NAA16: variants seen among roughly 807,000 people sequenced by gnomAD.
The protein encoded by NAA16 is N-alpha-acetyltransferase 16, NatA auxiliary subunit, also known as NARG1-like protein.
Under a neutral mutation model 110.3 loss-of-function variants are expected in NAA16, and 97 were observed. The ratio of observed to expected loss-of-function variants is 0.88; its 90% confidence interval spans 0.75 to 1.04. The LOEUF (loss-of-function observed/expected upper bound fraction) is 1.04. NAA16 is among the 50% of genes least tolerant of loss of function. NAA16 has a pLI of 0.00. For missense variants in NAA16, 1,017 were observed against 1,005.1 expected (o/e 1.01, Z -0.16); for synonymous variants, 372 against 330.6 (o/e 1.13, Z -1.36).
Position 41,370,554 on chromosome 13 carries a change from C to T in NAA16, c.1947+1271C>T, listed in dbSNP as rs781144111. ...GAAAAAATAACAGCTGCCAGTCTTT[C>T]GGTTTTACAACAAGAAGGCTTGGAC... On this transcript the variant is annotated intron_variant, in intron 15 of 19. Transcript: ENST00000379406. 3.9e-5 allele frequency among the ~76,000 whole-genome samples: 6 copies of T among 152,138 alleles called. No individual in the cohort carries two copies. In the South Asian group the frequency reaches 8.3e-4, roughly 21 times the overall value.
At chr13:41,323,494 G>A (rs1182836437) in intron 5 of NAA16, among the ~76,000 whole-genome samples, 1 of 151,672 alleles carries the variant, frequency 6.6e-6, no homozygotes, top group Non-Finnish European at 1.5e-5. Context: ...GGGACTACAG[G>A]CACTCGCCAC....
chr13:41,365,473 TTTAG>T (rs1006410560), intron 13 of NAA16, among the ~76,000 whole-genome samples: 5 of 152,190 alleles, frequency 3.3e-5, no homozygotes, highest in African/African-American at 1.2e-4. Flanking sequence ...CCCGAGATTA[TTTAG>T]TTGTTTCTAT....
chr13:41,314,445 A>G (rs1395400132), intron 1 of NAA16, among the ~76,000 whole-genome samples: 2 of 149,760 alleles, frequency 1.3e-5, no homozygotes, highest in East Asian at 3.9e-4. Flanking sequence ...GTATATTCAC[A>G]TGGTTCAAAA....
At chr13:41,354,743 G>C (rs183661998) in intron 9 of NAA16, 1 of 155,680 alleles carries the variant, frequency 6.4e-6, no homozygotes, top group African/African-American at 2.4e-5. Flanking sequence ...TTATTATATT[G>C]TAGGATTGCT....
intron 9 of NAA16, among the ~76,000 whole-genome samples, chr13:41,350,111 A>G (rs1429693008): frequency 6.6e-6 from 1 of 151,630 alleles, no homozygotes; most frequent in Admixed American, 6.6e-5. Context: ...CTCTACAAAA[A>G]AATACAAAAA....
At chr13:41,319,886 T>G (rs2041905158) in intron 3 of NAA16, among the ~76,000 whole-genome samples, 1 of 151,958 alleles carries the variant, frequency 6.6e-6, no homozygotes, top group Admixed American at 6.6e-5. Context: ...TGCTTATCTG[T>G]ATGTTTATCT....
intron 7 of NAA16, among the ~76,000 whole-genome samples, chr13:41,330,522 A>G (rs2042210540): frequency 6.6e-6 from 1 of 152,068 alleles, no homozygotes; most frequent in African/African-American, 2.4e-5. Flanking sequence ...TTAAAATTCC[A>G]CTATAAATTA....
intron 1 of NAA16, among the ~76,000 whole-genome samples, chr13:41,316,338 GCT>G (rs1168891746): frequency 2.8e-5 from 4 of 140,618 alleles, no homozygotes; most frequent in African/African-American, 1.1e-4. Flanking sequence ...ACAGAGTCTC[GCT>G]CTGTTTCCCA....
At chr13:41,358,003 C>T (rs1408017924) in intron 10 of NAA16, among the ~76,000 whole-genome samples, 2 of 152,088 alleles carry the variant, frequency 1.3e-5, no homozygotes, top group Admixed American at 1.3e-4. Context: ...TCTTGCTGCC[C>T]TTTTGCTTTC....
At position 41,372,322 on chromosome 13, in the gene NAA16, G is replaced by GT. The variant is rs746534549; in HGVS notation, c.2056+14dup. On this transcript the variant is annotated intron_variant, in intron 16 of 19. Transcript: ENST00000379406. The stretch of plus-strand genomic sequence containing the variant: ...TATATTTTAGAAAAGGTAATAAATA[G>GT]TTTGAGTTCAGTTTTTAATCTTTAA... 1.7e-5 allele frequency: 26 copies of GT among 1,559,876 alleles called. No individual in the cohort carries two copies. The African/African-American group carries it at 3.6e-4, about 22-fold the overall frequency.
At chr13:41,316,658 T>C (rs983778075) in intron 1 of NAA16, among the ~76,000 whole-genome samples, 188 bp from the exon 2 acceptor site, 4 of 152,130 alleles carry the variant, frequency 2.6e-5, no homozygotes, top group Non-Finnish European at 5.9e-5. Context: ...AAAATGAAAA[T>C]ATGTAGATTT....
chr13:41,312,673 A>T (rs1392316306), intron 1 of NAA16, among the ~76,000 whole-genome samples: 1 of 152,192 alleles, frequency 6.6e-6, no homozygotes, highest in African/African-American at 2.4e-5. Flanking sequence ...TAAAATACTA[A>T]TTTTAGAGTA....
At chr13:41,368,443 G>C (rs61963968) in intron 14 of NAA16, among the ~76,000 whole-genome samples, 14,345 of 152,136 alleles carry the variant, frequency 0.094, 967 homozygotes, top group Admixed American at 0.17. Context: ...TGTGTAGGAG[G>C]CAGAACTGGG....
chr13:41,340,262 A>C (rs565630735), intron 9 of NAA16, among the ~76,000 whole-genome samples: 87 of 152,146 alleles, frequency 5.7e-4, no homozygotes, highest in Non-Finnish European at 1.2e-3. Context: ...CATTTTGTTG[A>C]TCTTTTCAAA....
At chr13:41,353,481 C>T (rs1348864000) in intron 9 of NAA16, among the ~76,000 whole-genome samples, 1 of 151,262 alleles carries the variant, frequency 6.6e-6, no homozygotes, top group African/African-American at 2.4e-5. Flanking sequence ...ACAGACTGTA[C>T]AGGCCAGGCA....
intron 2 of NAA16, 44 bp downstream of exon 2, chr13:41,316,974 A>G (rs751166533): frequency 1.5e-6 from 2 of 1,310,850 alleles, no homozygotes; most frequent in Non-Finnish European, 2.2e-6. Flanking sequence ...ATCAAATTCT[A>G]AAACCAGGCA....
chr13:41,375,315 A>G (rs537557881), intron 19 of NAA16, 90 bp from the exon 20 acceptor site: 4 of 892,782 alleles, frequency 4.5e-6, no homozygotes, highest in East Asian at 2.6e-5. Flanking sequence ...AGCTTTCTCA[A>G]TTTAACACAT....
intron 7 of NAA16, among the ~76,000 whole-genome samples, chr13:41,330,909 GGTTAT>G (rs756605818): frequency 5.9e-5 from 9 of 151,970 alleles, no homozygotes; most frequent in Non-Finnish European, 1.0e-4. Flanking sequence ...TGTTTACGTA[GGTTAT>G]GTTATTAGAC....
At chr13:41,340,102 A>G (rs1416018347) in intron 9 of NAA16, among the ~76,000 whole-genome samples, 1 of 152,174 alleles carries the variant, frequency 6.6e-6, no homozygotes, top group Admixed American at 6.5e-5. Flanking sequence ...AGATTTTGTT[A>G]AAGTTAATAT....
Sources: gnomAD v4.1 joint callset for allele counts (sites outside exome capture counted in the v4.1 genomes callset) on GRCh38, gnomAD v4.1.1 for gene constraint, MANE v1.5 for transcripts, NCBI Gene and HGNC (gene_info 2026-07-23, HGNC 2026-07-21) for gene names.